The following RSRC1 variants were observed in gnomAD, a reference collection of about 807,000 sequenced individuals.
The protein encoded by RSRC1 is serine/Arginine-related protein 53.
RSRC1 carries 39 observed loss-of-function variants against 49.1 expected under a neutral mutation model. The observed-to-expected ratio is 0.79, with a 90% confidence interval of 0.61 to 1.04. The LOEUF is 1.04. RSRC1 is among the 50% of genes least tolerant of loss of function. The pLI is 0.00. For synonymous variants in RSRC1, 143 were observed against 130.8 expected, an observed-to-expected ratio of 1.09 and a Z score of -0.63; for missense variants, 388 against 402.4, an observed-to-expected ratio of 0.96 and a Z score of 0.31.
chr3:158,535,557 T>C (rs1222952411), intron 7 of RSRC1, among the ~76,000 whole-genome samples: 1 of 151,310 alleles, frequency 6.6e-6, no homozygotes, highest in African/African-American at 2.4e-5. Flanking sequence ...TCTATAAATA[T>C]TATTCTCCAT....
rs193152146 is a variant in RSRC1, at chr3:158,267,703, T to C, written c.495-30336T>C. 1.6e-4 allele frequency among the ~76,000 whole-genome samples: 24 copies of C among 152,118 alleles called. 2 individuals are homozygous for C. The East Asian group carries it at 4.6e-3, about 29-fold the overall frequency. ...TTTGAAAAAATATAGTTTCCATATC[T>C]CTGATGAGATTTCCCATCCATTCAT... On this transcript the variant is annotated intron_variant, in intron 4 of 9. Coordinates refer to ENST00000611884, the MANE Select transcript of RSRC1 (RefSeq NM_001271838.2).
At chr3:158,182,775 C>T (rs937841972) in intron 3 of RSRC1, among the ~76,000 whole-genome samples, 1 of 152,084 alleles carries the variant, frequency 6.6e-6, no homozygotes, top group Non-Finnish European at 1.5e-5. Flanking sequence ...ATTCTTCTCT[C>T]AAGGGTAGAT....
At chr3:158,153,435 G>C (rs562053592) in intron 3 of RSRC1, among the ~76,000 whole-genome samples, 1 of 152,270 alleles carries the variant, frequency 6.6e-6, no homozygotes, top group Non-Finnish European at 1.5e-5. Context: ...ACAGTCTCTT[G>C]CTAGCCACAA....
chr3:158,341,327 A>G (rs549251613), intron 5 of RSRC1, among the ~76,000 whole-genome samples: 2 of 152,120 alleles, frequency 1.3e-5, no homozygotes, highest in Admixed American at 1.3e-4. Context: ...CAGCAGGAAA[A>G]AGTGGTTTCG....
At chr3:158,285,425 G>A (rs527371574) in intron 4 of RSRC1, among the ~76,000 whole-genome samples, 1 of 152,170 alleles carries the variant, frequency 6.6e-6, no homozygotes, top group African/African-American at 2.4e-5. Flanking sequence ...TGCCAATTCT[G>A]TGAAGAAAGT....
chr3:158,520,761 G>C (rs916316044), intron 7 of RSRC1, among the ~76,000 whole-genome samples: 9 of 152,108 alleles, frequency 5.9e-5, no homozygotes, highest in Admixed American at 2.6e-4. Context: ...TGCTAACATT[G>C]TTATGTGATA....
chr3:158,444,949 A>G (rs1736610053), intron 6 of RSRC1, among the ~76,000 whole-genome samples: 1 of 152,164 alleles, frequency 6.6e-6, no homozygotes, highest in Non-Finnish European at 1.5e-5. Context: ...CAAAACCACA[A>G]TGAGATACCA....
At chr3:158,173,972 T>C (rs1318011132) in intron 3 of RSRC1, among the ~76,000 whole-genome samples, 1 of 151,850 alleles carries the variant, frequency 6.6e-6, no homozygotes, top group Non-Finnish European at 1.5e-5. Flanking sequence ...TAATAGTATA[T>C]GAATATGAGA....
chr3:158,174,327 A>G (rs1186525540), intron 3 of RSRC1, among the ~76,000 whole-genome samples: 1 of 151,976 alleles, frequency 6.6e-6, no homozygotes, highest in African/African-American at 2.4e-5. Context: ...CCAATAAGTA[A>G]GCTAAATGAA....
intron 7 of RSRC1, among the ~76,000 whole-genome samples, chr3:158,486,081 C>T (rs967992973): frequency 1.3e-5 from 2 of 152,184 alleles, no homozygotes; most frequent in African/African-American, 4.8e-5. Flanking sequence ...TACTCTACCA[C>T]ATCCTCATCC....
At chr3:158,317,287 G>A (rs926227643) in intron 5 of RSRC1, among the ~76,000 whole-genome samples, 1 of 152,172 alleles carries the variant, frequency 6.6e-6, no homozygotes, top group African/African-American at 2.4e-5. Context: ...GGAGTATAGT[G>A]GCGTGATCTC....
chr3:158,116,663 C>T (rs778271115), intron 1 of RSRC1, among the ~76,000 whole-genome samples: 2 of 151,784 alleles, frequency 1.3e-5, no homozygotes, highest in Non-Finnish European at 2.9e-5. Flanking sequence ...ACCATCAGTG[C>T]AAAAGTCAGC....
At chr3:158,524,457 C>T (rs971616951) in intron 7 of RSRC1, among the ~76,000 whole-genome samples, 2 of 152,010 alleles carry the variant, frequency 1.3e-5, no homozygotes, top group Non-Finnish European at 2.9e-5. Context: ...ATGATTTCAC[C>T]ATTCTTTCAC....
chr3:158,452,866 T>G (rs1737117749), intron 6 of RSRC1, among the ~76,000 whole-genome samples: 1 of 152,162 alleles, frequency 6.6e-6, no homozygotes, highest in Non-Finnish European at 1.5e-5. Flanking sequence ...CCACTGCAGT[T>G]GGGTAGAAGC....
intron 6 of RSRC1, among the ~76,000 whole-genome samples, chr3:158,361,238 C>T (rs1255364597): frequency 2.6e-5 from 4 of 152,164 alleles, no homozygotes; most frequent in African/African-American, 9.6e-5. Context: ...GGTGCAGGAA[C>T]CCAGTGTCCT....
intron 4 of RSRC1, among the ~76,000 whole-genome samples, chr3:158,248,601 CTT>C (rs35048391): frequency 3.3e-4 from 47 of 143,650 alleles, no homozygotes; most frequent in Admixed American, 5.5e-4. Context: ...TTTGGATTAA[CTT>C]TTTTTTTTTT....
chr3:158,386,495 A>G (rs1343000746), intron 6 of RSRC1, among the ~76,000 whole-genome samples: 1 of 152,122 alleles, frequency 6.6e-6, no homozygotes, highest in East Asian at 1.9e-4. Context: ...TAATAGACGA[A>G]TATAGCTAAA....
At chr3:158,111,171 G>T (rs1402568356) in intron 1 of RSRC1, among the ~76,000 whole-genome samples, 1 of 152,192 alleles carries the variant, frequency 6.6e-6, no homozygotes, top group African/African-American at 2.4e-5. Context: ...TTTAAGATTT[G>T]GAGCAGGTGT....
intron 7 of RSRC1, among the ~76,000 whole-genome samples, chr3:158,527,325 G>C (rs1323632829): frequency 6.6e-6 from 1 of 151,676 alleles, no homozygotes; most frequent in Non-Finnish European, 1.5e-5. Flanking sequence ...TGCAAACAGA[G>C]GCAAAGACAT....
Sources: gnomAD v4.1 joint callset for allele counts (sites outside exome capture counted in the v4.1 genomes callset) on GRCh38, gnomAD v4.1.1 for gene constraint, MANE v1.5 for transcripts, NCBI Gene and HGNC (gene_info 2026-07-23, HGNC 2026-07-21) for gene names.